FANCM: variants seen among roughly 807,000 people sequenced by gnomAD.
The protein encoded by FANCM is Fanconi anemia group M protein.
Under a neutral mutation model 199.5 loss-of-function variants are expected in FANCM, and 140 were observed. That is an observed-to-expected ratio of 0.70 (90% CI 0.61 to 0.81). FANCM has a LOEUF of 0.81. FANCM is among the 30% of genes least tolerant of loss of function. FANCM has a pLI of 0.00. For missense variants in FANCM, 2,410 were observed against 2,421.4 expected, an observed-to-expected ratio of 1.00 and a Z score of 0.10; for synonymous variants, 840 against 836.8, an observed-to-expected ratio of 1.00 and a Z score of -0.07.
intron 16 of FANCM, 72 bp downstream of exon 16, chr14:45,181,777 G>A: frequency 7.8e-6 from 7 of 901,996 alleles, no homozygotes; most frequent in Non-Finnish European, 1.1e-5. Context: ...AAATATATGT[G>A]TAGATAAATA....
At chr14:45,151,582 G>A (rs1269012074) in intron 5 of FANCM, 54 bp downstream of exon 5, 5 of 1,501,330 alleles carry the variant, frequency 3.3e-6, no homozygotes, top group Non-Finnish European at 4.6e-6. Flanking sequence ...CTGAAAGCCA[G>A]GATAAAACAT....
At chr14:45,186,304 A>G (rs914533760) in intron 18 of FANCM, among the ~76,000 whole-genome samples, 6 of 152,254 alleles carry the variant, frequency 3.9e-5, no homozygotes, top group Admixed American at 1.3e-4. Context: ...GACCAACTGC[A>G]ATACAAAGCT....
intron 3 of FANCM, among the ~76,000 whole-genome samples, chr14:45,144,433 G>A (rs1180299318): frequency 6.6e-6 from 1 of 151,474 alleles, no homozygotes; most frequent in Non-Finnish European, 1.5e-5. Flanking sequence ...AAGTTTGTCA[G>A]CAAGTTCCTC....
At chr14:45,192,186 T>C (rs1310586556) in intron 20 of FANCM, among the ~76,000 whole-genome samples, 1 of 152,196 alleles carries the variant, frequency 6.6e-6, no homozygotes, top group African/African-American at 2.4e-5. Context: ...ATCCTTACTA[T>C]AACAAAGAGC....
intron 20 of FANCM, among the ~76,000 whole-genome samples, chr14:45,189,983 A>AC (rs1447842608): frequency 6.6e-6 from 1 of 151,924 alleles, no homozygotes; most frequent in East Asian, 1.9e-4. Flanking sequence ...AAAAAAAAAA[A>AC]AGAACTAGAA....
intron 8 of FANCM, among the ~76,000 whole-genome samples, chr14:45,155,750 G>C (rs1474311434): frequency 6.6e-6 from 1 of 152,242 alleles, no homozygotes; most frequent in Non-Finnish European, 1.5e-5. Context: ...AGTGAGCCGA[G>C]ATTGTGCCAT....
rs181221215 is a variant in FANCM at position 45,188,873 on chromosome 14, A to G, written c.4851A>G (p.Gln1617=). The G allele has an allele frequency of 6.8e-6, 11 of 1,613,800 alleles. No homozygotes were observed. The highest frequency in any genetic ancestry group is 2.2e-5 in the East Asian group (1 of 44,838). ...ATGAAGAGGAGTCTTGCAAAGGCCA[A>G]TCAAGTGAAGAAGAAGTTTGTGTTG... ...CVDEEESCKG[Q]SSEEEVCVDF... is the part of the protein sequence containing the mutation. The change falls in exon 20 of 23, where the codon CAA becomes CAG. Residue 1617 remains glutamine (Q), a synonymous_variant. Transcript: ENST00000267430.
At chr14:45,137,007 T>A in intron 1 of FANCM, 62 bp from the exon 2 acceptor site, 1 of 1,267,462 alleles carries the variant, frequency 7.9e-7, no homozygotes, top group Non-Finnish European at 1.1e-6. Context: ...AAAGCCAGAC[T>A]ATTTATATTT....
chr14:45,189,701 G>A (rs1304684733), intron 20 of FANCM, among the ~76,000 whole-genome samples: 6 of 152,114 alleles, frequency 3.9e-5, no homozygotes, highest in Non-Finnish European at 8.8e-5. Context: ...AGATGCGGTG[G>A]CTCATGCCTG....
At chr14:45,149,951 A>G (rs937266881) in intron 4 of FANCM, among the ~76,000 whole-genome samples, 1 of 152,150 alleles carries the variant, frequency 6.6e-6, no homozygotes, top group Non-Finnish European at 1.5e-5. Context: ...ACAACAAAGA[A>G]TTATCTGGCT....
chr14:45,183,946 A>C (rs1165865021), intron 17 of FANCM, 44 bp downstream of exon 17: 1 of 1,417,496 alleles, frequency 7.1e-7, no homozygotes, highest in East Asian at 2.4e-5. Context: ...GCATTTTATC[A>C]GTAAAGATAA....
chr14:45,170,558 G>A (rs775967244), intron 11 of FANCM, 31 bp from the exon 12 acceptor site: 3 of 1,535,244 alleles, frequency 2.0e-6, no homozygotes, highest in East Asian at 4.5e-5. Flanking sequence ...TTTTTAAAAA[G>A]TCTCTTTTCC....
Position 45,136,419 on chromosome 14 carries a change from C to G in FANCM, c.388C>G (p.Arg130Gly), listed in dbSNP as rs758891745. ...IAAVVMYNFY[R>G]WFPSGKVVFM... Reference sequence around the variant, plus strand: ...CGCCGTGGTCATGTACAATTTCTACCGCTGGTTCCCTTCAGGAAAGGTGGT... The same window carrying G: ...CGCCGTGGTCATGTACAATTTCTACGGCTGGTTCCCTTCAGGAAAGGTGGT... The change falls in exon 1 of 23, where the codon CGC becomes GGC. Residue 130 changes from arginine to glycine, a missense_variant. Coordinates refer to ENST00000267430, the MANE Select transcript of FANCM (RefSeq NM_020937.4). 3.7e-6 allele frequency: 6 copies of G among 1,614,078 alleles called. No individual in the cohort carries two copies. The South Asian group carries it at 6.6e-5, about 18-fold the overall frequency.
At position 45,176,842 on chromosome 14, in the gene FANCM, C is replaced by G; in HGVS notation, c.4088C>G (p.Ser1363Cys). 1 of 1,606,642 alleles carries G rather than the reference C, an allele frequency of 6.2e-7. No individual in the cohort carries two copies. The highest frequency in any genetic ancestry group is 8.5e-7 in the Non-Finnish European group (1 of 1,175,538). Residue 1363 changes from serine (S) to cysteine (C), a missense_variant, in exon 14 of 23, where the codon TCT (serine) becomes TGT (cysteine). Physicochemically the swap from Ser to Cys is moderately radical, Grantham distance 112 (BLOSUM62 -1). Transcript: ENST00000267430. ...IRKEILKTPD[S>C]SKEKVNLQRF... ...AAGGAAATACTTAAGACACCAGATT[C>G]TAGTAAGGAAAAAGTAAACCTACAA...
rs192691912 is a variant in FANCM at position 45,169,003 on chromosome 14, C to G, written c.2003-1586C>G. On this transcript the variant is annotated intron_variant, in intron 11 of 22. Coordinates refer to ENST00000267430, the MANE Select transcript of FANCM (RefSeq NM_020937.4). ...GTGGCATGATCTCGGCTCACTGCAA[C>G]CTCTACCTCCCAGGTTCAAGCAATT... 5.7e-3 allele frequency among the ~76,000 whole-genome samples: 872 copies of G among 151,890 alleles called. 2 individuals carry two copies. Among genetic ancestry groups the G allele is most frequent in the Non-Finnish European group, 7.6e-3 (517 of 67,966 alleles).
intron 20 of FANCM, 30 bp downstream of exon 20, chr14:45,189,392 T>C (rs1386513681): frequency 2.7e-6 from 4 of 1,489,724 alleles, no homozygotes; most frequent in African/African-American, 1.4e-5. Context: ...AAAATATCTT[T>C]AGATGGTTAC....
chr14:45,200,546 A>G lies in FANCM; in HGVS notation c.*538A>G, dbSNP rs1890302853. On this transcript the variant is annotated 3_prime_UTR_variant, in exon 23 of 23. Coordinates refer to ENST00000267430, the MANE Select transcript of FANCM (RefSeq NM_020937.4). ...TCTGACCAAAGGTGTGTCCCAGTTAAGTACTGTCAAATCTATTAATATGAA... is the reference window on the plus strand; with the variant it reads ...TCTGACCAAAGGTGTGTCCCAGTTAGGTACTGTCAAATCTATTAATATGAA... 2 of 152,630 alleles carry G rather than the reference A, an allele frequency of 1.3e-5. No homozygotes were observed. The highest frequency in any genetic ancestry group is 1.5e-5 in the Non-Finnish European group (1 of 68,384). The allele number at this position is 152,630 out of a possible 1,614,324, so 9.5% of individuals were successfully genotyped here.
intron 11 of FANCM, 35 bp downstream of exon 11, chr14:45,167,198 C>T (rs1888046785): frequency 1.6e-6 from 2 of 1,231,950 alleles, no homozygotes; most frequent in South Asian, 2.4e-5. Context: ...ATGCATTTTT[C>T]CCCTGTTCTT....
intron 12 of FANCM, among the ~76,000 whole-genome samples, chr14:45,172,454 A>C (rs1234430812): frequency 1.3e-5 from 2 of 152,136 alleles, no homozygotes; most frequent in Admixed American, 1.3e-4. Flanking sequence ...ATCCAGTTTC[A>C]TTCTTCTGCA....
Sources: gnomAD v4.1 joint callset for allele counts (sites outside exome capture counted in the v4.1 genomes callset) on GRCh38, gnomAD v4.1.1 for gene constraint, MANE v1.5 for transcripts, NCBI Gene and HGNC (gene_info 2026-07-23, HGNC 2026-07-21) for gene names.